The following CYREN variants were observed in gnomAD, a reference collection of about 807,000 sequenced individuals.
CYREN encodes cell cycle regulator of non-homologous end joining.
Under a neutral mutation model 9.7 loss-of-function variants are expected in CYREN, and 7 were observed. That is an observed-to-expected ratio of 0.72 (90% CI 0.41 to 1.36). CYREN has a LOEUF of 1.36. Among genes scored for constraint, CYREN ranks in the 40% most tolerant of loss-of-function variants. The pLI is 0.01. For synonymous variants in CYREN, 76 were observed against 77.9 expected (o/e 0.98, Z 0.13); for missense variants, 215 against 198.1 (o/e 1.09, Z -0.51).
At chr7:135,115,648 A>T (rs1826214767) in intron 2 of CYREN, 2 of 1,426,396 alleles carry the variant, frequency 1.4e-6, no homozygotes, top group Non-Finnish European at 1.9e-6. Context: ...TATCTATTTA[A>T]CACATCTTTT....
At chr7:135,148,532 A>G (rs1829597440) in intron 2 of CYREN, among the ~76,000 whole-genome samples, 1 of 152,212 alleles carries the variant, frequency 6.6e-6, no homozygotes, top group African/African-American at 2.4e-5. Context: ...TAAGGCCAGT[A>G]TAACTGGTTA....
At chr7:135,105,489 A>C (rs905990273) in intron 2 of CYREN, among the ~76,000 whole-genome samples, 1 of 152,212 alleles carries the variant, frequency 6.6e-6, no homozygotes, top group East Asian at 1.9e-4. Context: ...TTGAATAGGG[A>C]ATCTTTCCCC....
At chr7:135,121,948 C>T (rs4732098) in intron 2 of CYREN, among the ~76,000 whole-genome samples, 22,462 of 152,226 alleles carry the variant, frequency 0.15, 1,714 homozygotes, top group Middle Eastern at 0.3. Context: ...CAGGGCCTAG[C>T]GTCCCAACCC....
At chr7:135,119,269 AC>A (rs1826779143) in intron 2 of CYREN, among the ~76,000 whole-genome samples, 1 of 151,810 alleles carries the variant, frequency 6.6e-6, no homozygotes, top group Non-Finnish European at 1.5e-5. Flanking sequence ...TTGCTCAGTT[AC>A]CCAGGCTGGA....
intron 2 of CYREN, among the ~76,000 whole-genome samples, chr7:135,116,841 T>C (rs1314747677): frequency 6.6e-6 from 1 of 152,194 alleles, no homozygotes; most frequent in East Asian, 1.9e-4. Flanking sequence ...GCTGTCCCTT[T>C]CCTGGTCCTT....
At chr7:135,138,058 G>A (rs1035440405) in intron 2 of CYREN, among the ~76,000 whole-genome samples, 3 of 151,876 alleles carry the variant, frequency 2.0e-5, no homozygotes, top group Non-Finnish European at 4.4e-5. Flanking sequence ...CATAACAACC[G>A]CTGACTACAG....
At chr7:135,112,940 T>TCAGC (rs1825847843) in intron 2 of CYREN, among the ~76,000 whole-genome samples, 2 of 152,210 alleles carry the variant, frequency 1.3e-5, no homozygotes, top group African/African-American at 4.8e-5. Flanking sequence ...CCATGCCGAC[T>TCAGC]TAATTTTTGT....
intron 2 of CYREN, among the ~76,000 whole-genome samples, chr7:135,137,046 G>A (rs1400864266): frequency 6.6e-6 from 1 of 151,918 alleles, no homozygotes; most frequent in Non-Finnish European, 1.5e-5. Context: ...CCTCCACCTG[G>A]CAGCCCCTAC....
chr7:135,099,826 A>G (rs917940705), intron 2 of CYREN: 1 of 151,462 alleles, frequency 6.6e-6, no homozygotes, highest in African/African-American at 2.4e-5. Context: ...TAGATGCTTT[A>G]AAATCTAGTT....
chr7:135,104,632 G>A (rs530422592), intron 2 of CYREN, among the ~76,000 whole-genome samples: 1 of 152,274 alleles, frequency 6.6e-6, no homozygotes, highest in African/African-American at 2.4e-5. Flanking sequence ...TGACTGCTGT[G>A]AGATGGTATC....
intron 2 of CYREN, chr7:135,148,309 C>T (rs771493129): frequency 1.2e-5 from 4 of 344,708 alleles, no homozygotes; most frequent in South Asian, 2.3e-5. Flanking sequence ...CTTACCCAGA[C>T]GTCTACTACC....
chr7:135,127,498 A>T (rs1192611700), intron 2 of CYREN, among the ~76,000 whole-genome samples: 1 of 151,944 alleles, frequency 6.6e-6, no homozygotes, highest in African/African-American at 2.4e-5. Context: ...GGTTGCAGTG[A>T]GCCAAGATTG....
downstream of CYREN, chr7:135,165,085 G>C: frequency 6.9e-7 from 1 of 1,452,922 alleles, no homozygotes; most frequent in African/African-American, 1.4e-5. Context: ...AGCTAACGCT[G>C]ATCTCCAGCT....
chr7:135,156,041 T>G (rs1047391596), intron 2 of CYREN, among the ~76,000 whole-genome samples: 1 of 152,198 alleles, frequency 6.6e-6, no homozygotes, highest in Non-Finnish European at 1.5e-5. Flanking sequence ...TGTTTTTTTT[T>G]TTCCCTTTAG....
At chr7:135,101,629 T>C (rs1563266141) in intron 2 of CYREN, among the ~76,000 whole-genome samples, 1 of 152,176 alleles carries the variant, frequency 6.6e-6, no homozygotes, top group South Asian at 2.1e-4. Flanking sequence ...GGTTTTCAGT[T>C]GAAAACCATC....
At chr7:135,107,356 T>C (rs1470203039) in intron 2 of CYREN, among the ~76,000 whole-genome samples, 2 of 152,182 alleles carry the variant, frequency 1.3e-5, no homozygotes, top group Non-Finnish European at 2.9e-5. Context: ...CATTTAGTGA[T>C]ATAAATTTCT....
chr7:135,109,457 TG>T (rs35025790), intron 2 of CYREN, among the ~76,000 whole-genome samples: 66,768 of 151,550 alleles, frequency 0.44, 15,301 homozygotes, highest in East Asian at 0.77. Context: ...AGATACAGGA[TG>T]GGGGCCCACA....
intron 2 of CYREN, among the ~76,000 whole-genome samples, chr7:135,112,207 C>T (rs1006841276): frequency 1.1e-4 from 16 of 152,196 alleles, no homozygotes; most frequent in African/African-American, 3.9e-4. Context: ...GCATTAGCCT[C>T]CTAATTTGTC....
chr7:135,154,663 T>C (rs1221077471), intron 2 of CYREN, among the ~76,000 whole-genome samples: 1 of 152,212 alleles, frequency 6.6e-6, no homozygotes, highest in African/African-American at 2.4e-5. Flanking sequence ...GTTTCCAAAG[T>C]TCCTCTTGGT....
Sources: allele counts gnomAD v4.1 joint callset (sites outside exome capture counted in the v4.1 genomes callset), GRCh38; gene constraint gnomAD v4.1.1; transcripts MANE v1.5; gene names NCBI Gene and HGNC (gene_info 2026-07-23, HGNC 2026-07-21).